FHIP1A: variants seen among roughly 807,000 people sequenced by gnomAD.
FHIP1A encodes the protein FHF complex subunit HOOK-interacting protein 1A.
Under a neutral mutation model 88.6 loss-of-function variants are expected in FHIP1A, and 61 were observed. The ratio of observed to expected loss-of-function variants is 0.69; its 90% CI spans 0.56 to 0.85. The LOEUF (loss-of-function observed/expected upper bound fraction) is 0.85. Ranked by LOEUF, FHIP1A falls within the 40% of genes least tolerant of loss-of-function variation. FHIP1A has a pLI of 0.00. For missense variants in FHIP1A, 1,154 were observed against 1,273.5 expected (o/e 0.91, Z 1.43); for synonymous variants, 478 against 496.0 (o/e 0.96, Z 0.48).
intron 13 of FHIP1A, among the ~76,000 whole-genome samples, chr4:151,660,602 A>G (rs1428624003): frequency 6.6e-6 from 1 of 152,240 alleles, no homozygotes; most frequent in African/African-American, 2.4e-5. Flanking sequence ...GATAGGGCTC[A>G]GCCCTGAGAA....
At chr4:151,417,462 A>G (rs561964893) in intron 1 of FHIP1A, among the ~76,000 whole-genome samples, 17 of 152,316 alleles carry the variant, frequency 1.1e-4, no homozygotes, top group African/African-American at 3.6e-4. Flanking sequence ...TTTCTATGCA[A>G]AGGAAGACTT....
rs151194052 is a variant in FHIP1A, at chr4:151,463,669, A to G, written c.-248+8861A>G. Among the ~76,000 whole-genome samples the G allele has an allele frequency of 1.2e-3, 181 of 152,336 alleles. 1 individual carries two copies. Among genetic ancestry groups the G allele is most frequent in the Non-Finnish European group, 1.2e-3 (82 of 68,030 alleles). Reference sequence around the variant, plus strand: ...GTATTTTATGCACAACTTGCCCAGTAGCTTCCAATTATGTGTCACAAAGAA... The same window carrying G: ...GTATTTTATGCACAACTTGCCCAGTGGCTTCCAATTATGTGTCACAAAGAA... On this transcript the variant is annotated intron_variant, in intron 2 of 13. Coordinates refer to ENST00000435205, the MANE Select transcript of FHIP1A (RefSeq NM_001109977.3).
intron 7 of FHIP1A, among the ~76,000 whole-genome samples, chr4:151,590,695 C>T (rs1243599928): frequency 6.6e-6 from 1 of 152,214 alleles, no homozygotes; most frequent in Non-Finnish European, 1.5e-5. Context: ...CAACAGAGTG[C>T]TGGCACTTAG....
chr4:151,670,276 C>T lies in FHIP1A; in HGVS notation c.*7522C>T, dbSNP rs1737817233. On this transcript the variant is annotated 3_prime_UTR_variant, in exon 14 of 14. Transcript: ENST00000435205. ...TCATCGTGATGCCTGCAGCACACCA[C>T]GATTATCATGAGAGGTCAAGATTTT... 6.6e-6 allele frequency: 1 copy of T among 152,108 alleles called. No individual in the cohort carries two copies. Among genetic ancestry groups the T allele is most frequent in the Non-Finnish European group, 1.5e-5 (1 of 68,020 alleles). 9.4% of individuals were successfully genotyped at this position (152,108 alleles called of 1,614,324 possible). A position where few individuals can be genotyped will look rare whatever the true frequency, so the allele number is the denominator to read the frequency against.
chr4:151,530,859 T>G (rs1015141627), intron 3 of FHIP1A, among the ~76,000 whole-genome samples: 1 of 152,194 alleles, frequency 6.6e-6, no homozygotes, highest in Non-Finnish European at 1.5e-5. Context: ...CTTAGCATAG[T>G]GCATGGCATA....
chr4:151,525,242 C>G (rs1300476199), intron 3 of FHIP1A, among the ~76,000 whole-genome samples: 1 of 152,212 alleles, frequency 6.6e-6, no homozygotes, highest in Non-Finnish European at 1.5e-5. Flanking sequence ...GCACCCTATT[C>G]TGTTTTCTTT....
At chr4:151,517,614 A>G (rs1196533781) in intron 3 of FHIP1A, among the ~76,000 whole-genome samples, 1 of 152,058 alleles carries the variant, frequency 6.6e-6, no homozygotes, top group Admixed American at 6.6e-5. Flanking sequence ...ATATATATTC[A>G]TGCACTGCAT....
intron 3 of FHIP1A, among the ~76,000 whole-genome samples, chr4:151,488,799 G>A (rs1050704960): frequency 2.0e-5 from 3 of 152,286 alleles, no homozygotes; most frequent in East Asian, 1.9e-4. Flanking sequence ...ATCACCCAAC[G>A]TAAGTATTCA....
intron 3 of FHIP1A, among the ~76,000 whole-genome samples, 153 bp downstream of exon 3, chr4:151,482,801 A>AT (rs1729947111): frequency 6.6e-6 from 1 of 151,988 alleles, no homozygotes; most frequent in African/African-American, 2.4e-5. Flanking sequence ...GCTGTACTCT[A>AT]TCCTCTATGT....
At chr4:151,631,664 C>T (rs1269082544) in intron 8 of FHIP1A, among the ~76,000 whole-genome samples, 1 of 152,068 alleles carries the variant, frequency 6.6e-6, no homozygotes, top group Admixed American at 6.6e-5. Context: ...TGTAAGAACA[C>T]CAGTTAAGAG....
chr4:151,594,552 C>T (rs1353978297), intron 7 of FHIP1A, among the ~76,000 whole-genome samples: 2 of 150,334 alleles, frequency 1.3e-5, no homozygotes, highest in Non-Finnish European at 1.5e-5. Flanking sequence ...GTTTGTATTT[C>T]TGTGGGATGA....
At chr4:151,546,045 G>A (rs968661933) in intron 3 of FHIP1A, among the ~76,000 whole-genome samples, 27 of 152,166 alleles carry the variant, frequency 1.8e-4, no homozygotes, top group Admixed American at 6.5e-5. Context: ...TATGTGGGTG[G>A]GTGGGCAGAC....
At chr4:151,508,799 G>T (rs1382391693) in intron 3 of FHIP1A, among the ~76,000 whole-genome samples, 2 of 152,110 alleles carry the variant, frequency 1.3e-5, no homozygotes, top group African/African-American at 4.8e-5. Context: ...CAAACAGCCT[G>T]CTCAAAGATT....
intron 3 of FHIP1A, among the ~76,000 whole-genome samples, chr4:151,484,627 A>G (rs905613422): frequency 6.6e-6 from 1 of 152,120 alleles, no homozygotes; most frequent in African/African-American, 2.4e-5. Flanking sequence ...TTGAAGATGG[A>G]CTCTGAAAGC....
chr4:151,604,909 G>T (rs1300859457), intron 7 of FHIP1A, among the ~76,000 whole-genome samples: 2 of 152,048 alleles, frequency 1.3e-5, no homozygotes. Context: ...GTTGGGTTCT[G>T]TGTTTAAGAA....
intron 8 of FHIP1A, among the ~76,000 whole-genome samples, chr4:151,635,584 C>A (rs2126886263): frequency 6.6e-6 from 1 of 151,910 alleles, no homozygotes; most frequent in South Asian, 2.1e-4. Context: ...TATGCTACAA[C>A]ACGGATGATC....
intron 4 of FHIP1A, among the ~76,000 whole-genome samples, chr4:151,569,985 C>T (rs1185431788): frequency 1.3e-5 from 2 of 152,104 alleles, no homozygotes; most frequent in Admixed American, 6.5e-5. Context: ...AGAAAGTAGC[C>T]CCTGACTTCC....
intron 7 of FHIP1A, among the ~76,000 whole-genome samples, chr4:151,628,323 TG>T (rs1275671856): frequency 6.6e-6 from 1 of 152,238 alleles, no homozygotes; most frequent in Admixed American, 6.5e-5. Flanking sequence ...CTTATCCACC[TG>T]GGCTCATCTA....
At chr4:151,478,057 A>G (rs1225774183) in intron 2 of FHIP1A, among the ~76,000 whole-genome samples, 1 of 152,168 alleles carries the variant, frequency 6.6e-6, no homozygotes, top group Non-Finnish European at 1.5e-5. Context: ...ATTATGTACA[A>G]AGTTATTAAT....
Sources: gnomAD v4.1 joint callset for allele counts (sites outside exome capture counted in the v4.1 genomes callset) on GRCh38, gnomAD v4.1.1 for gene constraint, MANE v1.5 for transcripts, NCBI Gene and HGNC (gene_info 2026-07-23, HGNC 2026-07-21) for gene names.